Variants in TLCD3B observed in about 807,000 individuals in gnomAD.
TLCD3B encodes ceramide synthase.
A neutral mutation model predicts 23.0 loss-of-function variants in TLCD3B; 9 were observed. The ratio of observed to expected loss-of-function variants is 0.39; its 90% confidence interval spans 0.24 to 0.68. The LOEUF is 0.68. TLCD3B is among the 30% of genes least tolerant of loss of function. The pLI is 0.44. For synonymous variants in TLCD3B, 161 were observed against 161.0 expected, an observed-to-expected ratio of 1.00 and a Z score of 0.00; for missense variants, 307 against 371.8, an observed-to-expected ratio of 0.83 and a Z score of 1.43.
chr16:30,039,218 G>T (rs1216623550), intron 3 of TLCD3B, among the ~76,000 whole-genome samples: 1 of 143,672 alleles, frequency 7.0e-6, no homozygotes, highest in Non-Finnish European at 1.5e-5. Flanking sequence ...TCGCCTCCCA[G>T]ATTCAAGCGA....
rs767670189 is a variant in TLCD3B, at chr16:30,025,743, C to T, written c.523G>A (p.Gly175Ser). 2 of 1,614,148 alleles carry T rather than the reference C, an allele frequency of 1.2e-6. No homozygotes were observed. Among genetic ancestry groups the T allele is most frequent in the South Asian group, 2.2e-5 (2 of 91,090 alleles). The change falls in exon 4 of 5, where the codon GGC becomes AGC. Residue 175 changes from glycine to serine, a missense_variant. Physicochemically the swap from Gly to Ser is moderately conservative, Grantham distance 56 (BLOSUM62 0). Transcript: ENST00000380495. The surrounding 1 kb of genome is among the most constrained non-coding windows in gnomAD (Gnocchi z 4.1). ...AEVSTPFVCL[G>S]KILIQYKQQH... ...TCACTCACCTGGATGAGGATCTTGC[C>T]AAGGCAGACGAAGGGCGTGCTGACC...
rs780301705 is a variant in TLCD3B at position 30,030,499 on chromosome 16, AC to A, written c.28del (p.Val10TrpfsTer112). 48 of 1,583,020 alleles carry A rather than the reference AC, an allele frequency of 3.0e-5. No homozygotes were observed. Among genetic ancestry groups the A allele is most frequent in the Admixed American group, 1.1e-4 (6 of 53,030 alleles). On this transcript the variant is annotated frameshift_variant, in exon 1 of 5. Transcript: ENST00000380495. LOFTEE classifies it high-confidence loss of function. Reference sequence around the variant, plus strand: ...GAGGAGGAAGAGTCCGGGGAACACCACCCCCCCGGCCACCATCGGGGTCAGC... The same window carrying A: ...GAGGAGGAAGAGTCCGGGGAACACCACCCCCCGGCCACCATCGGGGTCAGC... MLTPMVAGG[V>X]VFPGLFLLSK...
intron 2 of TLCD3B, among the ~76,000 whole-genome samples, chr16:30,044,243 T>C (rs931268539): frequency 6.6e-6 from 1 of 151,926 alleles, no homozygotes. Context: ...GTGATCTGCC[T>C]GCCTCACACC....
chr16:30,036,272 G>T, intron 3 of TLCD3B: 13 of 1,288,840 alleles, frequency 1.0e-5, no homozygotes, highest in South Asian at 1.2e-5. Context: ...AATGACATTT[G>T]TTGAAAAAAC....
At chr16:30,047,167 G>GTCTGTCTA (rs1555476543) in intron 1 of TLCD3B, among the ~76,000 whole-genome samples, 76 of 148,078 alleles carry the variant, frequency 5.1e-4, no homozygotes, top group Admixed American at 1.7e-3. Flanking sequence ...CTGTCTGTCT[G>GTCTGTCTA]TCTATCTATC....
chr16:30,029,673 C>T lies in TLCD3B; in HGVS notation c.126-158G>A. The T allele has an allele frequency of 3.0e-6, 2 of 663,382 alleles. No individual in the cohort carries two copies. The highest frequency in any genetic ancestry group is 3.4e-5 in the South Asian group (2 of 57,980). 41.1% of individuals were successfully genotyped at this position (663,382 alleles called of 1,614,324 possible). The stretch of plus-strand genomic sequence containing the variant: ...CCAAGGCTGGGCTGCCTGAGGTGTG[C>T]CCCACCACAGGTACCTCACGGCTCT... On this transcript the variant is annotated intron_variant, in intron 1 of 4. Coordinates refer to ENST00000380495, the MANE Select transcript of TLCD3B (RefSeq NM_031478.6). The surrounding 1 kb of genome is among the most constrained non-coding windows in gnomAD (Gnocchi z 4.6).
At chr16:30,036,675 G>T in intron 3 of TLCD3B, 1 of 260,376 alleles carries the variant, frequency 3.8e-6, no homozygotes. Context: ...GTGGGGGCTG[G>T]GGGGCGGTTC....
rs1207219618 is a variant in TLCD3B at position 30,026,633 on chromosome 16, C to T, written c.420G>A (p.Val140=). ...CCACTGAGAGTGGGAAGCACACCAG[C>T]ACCATGGCGGCATGGTGGAGCACCA... The part of the protein sequence containing the change: ...FLMVLHHAAM[V]LVCFPLSVVW... The change falls in exon 3 of 5, where the codon GTG becomes GTA. Residue 140 remains valine, a synonymous_variant. Coordinates refer to ENST00000380495, the MANE Select transcript of TLCD3B (RefSeq NM_031478.6). 6.2e-7 allele frequency: 1 copy of T among 1,613,722 alleles called. No individual in the cohort carries two copies. The highest frequency in any genetic ancestry group is 2.2e-5 in the East Asian group (1 of 44,878).
chr16:30,025,464 T>G lies in TLCD3B; in HGVS notation c.544A>C (p.Lys182Gln). Residue 182 changes from lysine (K) to glutamine (Q), a missense_variant, in exon 5 of 5, where the codon AAG (lysine) becomes CAG (glutamine). By Grantham distance (53) the Lys-to-Gln change is moderately conservative (BLOSUM62 1). Transcript: ENST00000380495. The surrounding 1 kb of genome is among the most constrained non-coding windows in gnomAD (Gnocchi z 4.1). The stretch of plus-strand genomic sequence containing the variant: ...TTGTGCAGCAGTGTGTGCTGCTGCT[T>G]GTACTGAGGAGACACAGACACAGTG... ...VCLGKILIQY[K>Q]QQHTLLHKVN... The G allele has an allele frequency of 6.2e-7, 1 of 1,611,878 alleles. No individual in the cohort carries two copies. Among genetic ancestry groups the G allele is most frequent in the Non-Finnish European group, 8.5e-7 (1 of 1,179,248 alleles).
chr16:30,031,965 T>C (rs1351923986), upstream of TLCD3B, among the ~76,000 whole-genome samples: 1 of 152,090 alleles, frequency 6.6e-6, no homozygotes, highest in African/African-American at 2.4e-5. Flanking sequence ...CAGGGAGCCC[T>C]AGGATGCCCA....
chr16:30,036,870 C>A (rs949027331), intron 3 of TLCD3B, among the ~76,000 whole-genome samples: 1 of 151,170 alleles, frequency 6.6e-6, no homozygotes, highest in Non-Finnish European at 1.5e-5. Context: ...GGGTCACCTG[C>A]GGTCAGGAGT....
At chr16:30,050,710 T>C (rs2071736752) in intron 1 of TLCD3B, among the ~76,000 whole-genome samples, 1 of 152,138 alleles carries the variant, frequency 6.6e-6, no homozygotes, top group Non-Finnish European at 1.5e-5. Context: ...CACCTCAGTA[T>C]GGTTGACAGT....
intron 1 of TLCD3B, among the ~76,000 whole-genome samples, chr16:30,047,197 C>G (rs1311274568): frequency 6.6e-6 from 1 of 152,082 alleles, no homozygotes; most frequent in Non-Finnish European, 1.5e-5. Flanking sequence ...ATCTATCTAG[C>G]GCAATCTCGG....
At chr16:30,041,130 A>G (rs959989359) in exon 3 of TLCD3B, 2 of 152,204 alleles carry the variant, frequency 1.3e-5, no homozygotes, top group African/African-American at 4.8e-5. Context: ...GTTGAGAGCA[A>G]AACAGTCCAA....
upstream of TLCD3B, chr16:30,035,498 A>T (rs1414626758): frequency 1.2e-5 from 16 of 1,289,368 alleles, no homozygotes; most frequent in Non-Finnish European, 1.6e-5. Flanking sequence ...CCAAGAAGGC[A>T]GAAAAAGACG....
At chr16:30,033,038 A>G (rs1333679489), upstream of TLCD3B, 2 of 152,160 alleles carry the variant, frequency 1.3e-5, no homozygotes, top group Admixed American at 1.3e-4. Flanking sequence ...CTGGCGAATC[A>G]TGAGATCGAG....
At chr16:30,047,067 C>T (rs2071684802) in intron 1 of TLCD3B, among the ~76,000 whole-genome samples, 1 of 151,572 alleles carries the variant, frequency 6.6e-6, no homozygotes. Context: ...CTCAACTGAT[C>T]CTCCCTCTTC....
intron 1 of TLCD3B, among the ~76,000 whole-genome samples, chr16:30,050,365 C>A (rs2071731793): frequency 6.6e-6 from 1 of 151,988 alleles, no homozygotes; most frequent in Admixed American, 6.6e-5. Context: ...ACAGTGAGAC[C>A]CCGTCTATAC....
chr16:30,044,140 G>T (rs1033741633), intron 2 of TLCD3B, among the ~76,000 whole-genome samples: 1 of 150,926 alleles, frequency 6.6e-6, no homozygotes, highest in South Asian at 2.1e-4. Flanking sequence ...GGGATTACAA[G>T]TGTGTGCCAT....
Sources: gnomAD v4.1 joint callset for allele counts (sites outside exome capture counted in the v4.1 genomes callset) on GRCh38, gnomAD v4.1.1 for gene constraint, Gnocchi (gnomAD v3.1) non-coding constraint, MANE v1.5 for transcripts, NCBI Gene and HGNC (gene_info 2026-07-23, HGNC 2026-07-21) for gene names.